Variants in NR5A2 observed in about 807,000 individuals in gnomAD.
The protein encoded by NR5A2 is nuclear receptor subfamily 5 group A member 2.
A neutral mutation model predicts 62.7 loss-of-function variants in NR5A2; 26 were observed. The observed-to-expected ratio is 0.41, with a 90% confidence interval of 0.30 to 0.58. The LOEUF is 0.58. Among genes scored for constraint, NR5A2 ranks in the 20% least tolerant of loss-of-function variants. The probability of loss-of-function intolerance (pLI) is 0.22; values close to 1 mark genes in which losing one functional copy is unlikely to be tolerated. For synonymous variants in NR5A2, 246 were observed against 241.7 expected (o/e 1.02, Z -0.16); for missense variants, 541 against 669.1 (o/e 0.81, Z 2.11).
intron 5 of NR5A2, among the ~76,000 whole-genome samples, chr1:200,066,034 T>C (rs993285679): frequency 6.6e-5 from 10 of 152,094 alleles, no homozygotes; most frequent in African/African-American, 2.4e-4. Context: ...TAGGAAGCCA[T>C]AGGAGGATTT....
At chr1:200,104,485 A>G (rs1477999527) in intron 5 of NR5A2, among the ~76,000 whole-genome samples, 1 of 151,896 alleles carries the variant, frequency 6.6e-6, no homozygotes, top group Non-Finnish European at 1.5e-5. Context: ...TTGGGTTTTA[A>G]TTTTTCTCTC....
intron 5 of NR5A2, among the ~76,000 whole-genome samples, chr1:200,080,116 C>A (rs1664228539): frequency 1.3e-5 from 2 of 152,078 alleles, no homozygotes; most frequent in Non-Finnish European, 2.9e-5. Context: ...GGAGAACAGA[C>A]AGTTGGAAAA....
At chr1:200,135,608 G>A (rs1204422186) in intron 7 of NR5A2, among the ~76,000 whole-genome samples, 2 of 152,068 alleles carry the variant, frequency 1.3e-5, no homozygotes, top group Non-Finnish European at 2.9e-5. Flanking sequence ...TACTATTGAG[G>A]TGATATGGCC....
chr1:200,166,665 A>G (rs139712379), intron 7 of NR5A2, among the ~76,000 whole-genome samples: 2 of 152,204 alleles, frequency 1.3e-5, no homozygotes, highest in African/African-American at 4.8e-5. Flanking sequence ...CAGGGTTCAG[A>G]TTCCTGCTCC....
At position 200,111,336 on chromosome 1, in the gene NR5A2, CAAAAAA is replaced by C; in HGVS notation, c.1230+25_1230+30del. ...CTGGGCAACAAGTGAGTGTAGAGAC[CAAAAAA>C]AAAAAAAAAGCATCTTTTTATTAAG... On this transcript the variant is annotated intron_variant, in intron 6 of 7. Transcript: ENST00000367362. 1 of 1,406,386 alleles carries C rather than the reference CAAAAAA, an allele frequency of 7.1e-7. No individual in the cohort carries two copies. The highest frequency in any genetic ancestry group is 1.6e-5 in the African/African-American group (1 of 60,922). The allele number at this position is 1,406,386 out of a possible 1,614,324, so 87.1% of individuals were successfully genotyped here. A position where few individuals can be genotyped will look rare whatever the true frequency, so the allele number is the denominator to read the frequency against.
intron 7 of NR5A2, among the ~76,000 whole-genome samples, chr1:200,139,548 C>T (rs79701486): frequency 0.011 from 1,624 of 152,300 alleles, 20 homozygotes; most frequent in Non-Finnish European, 0.017. Context: ...AGAGATCCAA[C>T]AGCTATTTTT....
intron 5 of NR5A2, among the ~76,000 whole-genome samples, chr1:200,055,964 T>C (rs1330108465): frequency 5.3e-5 from 8 of 152,174 alleles, no homozygotes; most frequent in Non-Finnish European, 1.2e-4. Flanking sequence ...TTTGTGAATT[T>C]GGAGAGAATG....
In NR5A2 at chr1:200,120,828, A is replaced by G; in HGVS notation, c.1251A>G (p.Ala417=). ...TGQQVDYSII[A]SQAGATLNNL... is the part of the protein sequence containing the mutation. ...TGCAGGTGGACTATTCCATAATAGC[A>G]TCACAAGCCGGAGCCACCCTCAACA... is the stretch of plus-strand genomic sequence containing the variant. Residue 417 remains alanine, a synonymous_variant, in exon 7 of 8, where the codon GCA becomes GCG. Transcript: ENST00000367362. The G allele has an allele frequency of 6.4e-7, 1 of 1,569,144 alleles. No homozygotes were observed. The highest frequency in any genetic ancestry group is 8.6e-7 in the Non-Finnish European group (1 of 1,161,810).
chr1:200,050,060 G>A lies in NR5A2; in HGVS notation c.1110+1242G>A, dbSNP rs2821370. 7.2e-4 allele frequency among the ~76,000 whole-genome samples: 109 copies of A among 152,040 alleles called. 1 individual carries two copies. The highest frequency in any genetic ancestry group is 6.0e-4 in the Non-Finnish European group (41 of 67,990). On this transcript the variant is annotated intron_variant, in intron 5 of 7. Coordinates refer to ENST00000367362, the MANE Select transcript of NR5A2 (RefSeq NM_205860.3). ...TTATTTCCACGTCCTTTATTGCTAC[G>A]CTTAAAAATGGCTGAAGGATATCTC...
At chr1:200,028,444 C>T (rs1345505906) in intron 1 of NR5A2, among the ~76,000 whole-genome samples, 1 of 120,530 alleles carries the variant, frequency 8.3e-6, no homozygotes, top group Non-Finnish European at 1.7e-5. Context: ...AAAAAAAAAA[C>T]CAAAAAAACT....
intron 5 of NR5A2, among the ~76,000 whole-genome samples, chr1:200,084,406 G>T (rs1447246831): frequency 1.3e-5 from 2 of 151,938 alleles, no homozygotes; most frequent in Non-Finnish European, 2.9e-5. Flanking sequence ...CTGAAGCTTG[G>T]AATCAAGGGA....
intron 7 of NR5A2, among the ~76,000 whole-genome samples, chr1:200,155,527 A>G (rs1293101876): frequency 2.6e-5 from 4 of 152,176 alleles, no homozygotes. Context: ...AGATGTTGTA[A>G]AGTCATCATT....
Position 200,048,108 on chromosome 1 carries a change from GA to G in NR5A2, c.464-62del. 7.2e-7 allele frequency: 1 copy of G among 1,392,428 alleles called. No homozygotes were observed. Among genetic ancestry groups the G allele is most frequent in the South Asian group, 1.4e-5 (1 of 72,154 alleles). The allele number at this position is 1,392,428 out of a possible 1,614,324, so 86.3% of individuals were successfully genotyped here. ...CGATTTACATTTCTAAATATCTGAA[GA>G]ATGCTAATAATTTGCACCTTATTTA... On this transcript the variant is annotated intron_variant, in intron 4 of 7. Coordinates refer to ENST00000367362, the MANE Select transcript of NR5A2 (RefSeq NM_205860.3). The surrounding 1 kb of genome is among the most constrained non-coding windows in gnomAD (Gnocchi z 4.8).
chr1:200,122,122 TG>T (rs1666505380), intron 7 of NR5A2, among the ~76,000 whole-genome samples: 1 of 152,222 alleles, frequency 6.6e-6, no homozygotes, highest in African/African-American at 2.4e-5. Flanking sequence ...ATTTCATGGA[TG>T]TAACGTTCAA....
In NR5A2 at chr1:200,065,177, C is replaced by T. The variant is rs376899130; in HGVS notation, c.1110+16359C>T. ...TTTTTATTGTTTTGAGACAGAGTCTCACTCTGTCACACAGGCTGGAGTGCA... is the reference window on the plus strand; with the variant it reads ...TTTTTATTGTTTTGAGACAGAGTCTTACTCTGTCACACAGGCTGGAGTGCA... On this transcript the variant is annotated intron_variant, in intron 5 of 7. Coordinates refer to ENST00000367362, the MANE Select transcript of NR5A2 (RefSeq NM_205860.3). 1.2e-4 allele frequency among the ~76,000 whole-genome samples: 19 copies of T among 152,038 alleles called. No homozygotes were observed. The East Asian group carries it at 1.9e-3, about 15-fold the overall frequency.
At chr1:200,130,224 GT>G (rs1265933072) in intron 7 of NR5A2, among the ~76,000 whole-genome samples, 2 of 139,718 alleles carry the variant, frequency 1.4e-5, no homozygotes, top group Non-Finnish European at 3.2e-5. Context: ...ATTACATCCA[GT>G]TAATAAAAGA....
intron 5 of NR5A2, among the ~76,000 whole-genome samples, chr1:200,069,791 A>T (rs1442745540): frequency 2.0e-5 from 3 of 152,222 alleles, no homozygotes; most frequent in Non-Finnish European, 4.4e-5. Flanking sequence ...CTTGCCCTTC[A>T]TGCCAAAGTA....
At chr1:200,125,932 T>A (rs1223940264) in intron 7 of NR5A2, among the ~76,000 whole-genome samples, 1 of 152,016 alleles carries the variant, frequency 6.6e-6, no homozygotes, top group Non-Finnish European at 1.5e-5. Context: ...TTCTGCAGCT[T>A]CTAACTCCTA....
intron 7 of NR5A2, among the ~76,000 whole-genome samples, chr1:200,140,446 T>C (rs1443388056): frequency 6.6e-6 from 1 of 152,208 alleles, no homozygotes; most frequent in African/African-American, 2.4e-5. Flanking sequence ...TTTATCAGCT[T>C]TTTAAAATTA....
Sources: gnomAD v4.1 joint callset for allele counts (sites outside exome capture counted in the v4.1 genomes callset) on GRCh38, gnomAD v4.1.1 for gene constraint, Gnocchi (gnomAD v3.1) non-coding constraint, MANE v1.5 for transcripts, NCBI Gene and HGNC (gene_info 2026-07-23, HGNC 2026-07-21) for gene names.